The following CCDC63 variants were observed in gnomAD, a reference collection of about 807,000 sequenced individuals.
CCDC63 encodes the protein coiled-coil domain containing 63, also known as coiled-coil domain-containing protein 63.
Under a neutral mutation model 63.6 loss-of-function variants are expected in CCDC63, and 54 were observed. The ratio of observed to expected loss-of-function variants is 0.85; its 90% CI spans 0.68 to 1.07. CCDC63 has a LOEUF of 1.07. Among genes scored for constraint, CCDC63 ranks in the 50% least tolerant of loss-of-function variants. The pLI, the probability that CCDC63 is intolerant of heterozygous loss-of-function variation, is 0.00. For synonymous variants in CCDC63, 253 were observed against 266.1 expected (o/e 0.95, Z 0.48); for missense variants, 637 against 689.6 (o/e 0.92, Z 0.86).
chr12:110,878,917 A>G (rs2071165672), intron 5 of CCDC63, among the ~76,000 whole-genome samples: 1 of 152,228 alleles, frequency 6.6e-6, no homozygotes, highest in African/African-American at 2.4e-5. Flanking sequence ...AAGACAATTT[A>G]TAAGACATAC....
intron 3 of CCDC63, among the ~76,000 whole-genome samples, chr12:110,857,110 A>G (rs2070782562): frequency 6.7e-6 from 1 of 149,590 alleles, no homozygotes. Flanking sequence ...AGGCCTGTAG[A>G]ACATTCTTTT....
chr12:110,849,776 G>A (rs150667031), intron 1 of CCDC63, among the ~76,000 whole-genome samples: 3,045 of 152,244 alleles, frequency 0.02, 99 homozygotes, highest in African/African-American at 0.07. Flanking sequence ...TGGGATTACA[G>A]GCATGAGCCA....
chr12:110,867,006 C>T (rs2070962571), intron 4 of CCDC63, among the ~76,000 whole-genome samples: 1 of 135,712 alleles, frequency 7.4e-6, no homozygotes, highest in Non-Finnish European at 1.6e-5. Flanking sequence ...GCTGACCCCC[C>T]CACCTCCCTC....
chr12:110,844,577 C>T (rs946605995), upstream of CCDC63, among the ~76,000 whole-genome samples: 18 of 152,198 alleles, frequency 1.2e-4, no homozygotes, highest in African/African-American at 3.4e-4. Flanking sequence ...GTCAGTTGCA[C>T]GCCTATTCCT....
intron 9 of CCDC63, among the ~76,000 whole-genome samples, chr12:110,894,751 C>T (rs1292004091): frequency 6.6e-6 from 1 of 152,132 alleles, no homozygotes; most frequent in Non-Finnish European, 1.5e-5. Flanking sequence ...AGACTGGCGC[C>T]CCTCTACATC....
intron 8 of CCDC63, among the ~76,000 whole-genome samples, chr12:110,892,276 C>A (rs776994368): frequency 6.6e-6 from 1 of 152,080 alleles, no homozygotes; most frequent in Admixed American, 6.6e-5. Flanking sequence ...AAAATTAGTT[C>A]ATCAGAGGTT....
At chr12:110,897,554 C>T (rs1566139163) in intron 9 of CCDC63, among the ~76,000 whole-genome samples, 1 of 152,082 alleles carries the variant, frequency 6.6e-6, no homozygotes, top group East Asian at 1.9e-4. Context: ...GCTATGATCA[C>T]ATGACTGCAC....
intron 3 of CCDC63, among the ~76,000 whole-genome samples, chr12:110,857,302 T>G (rs1181227322): frequency 6.6e-6 from 1 of 151,474 alleles, no homozygotes; most frequent in East Asian, 2.0e-4. Flanking sequence ...ATTTTTTGTA[T>G]TTTTACTAGA....
chr12:110,846,402 G>C (rs894502349), upstream of CCDC63, among the ~76,000 whole-genome samples: 3 of 152,150 alleles, frequency 2.0e-5, no homozygotes, highest in African/African-American at 7.2e-5. Context: ...AAGCTCACTT[G>C]CCTGGATCAC....
intron 7 of CCDC63, 124 bp downstream of exon 7, chr12:110,881,420 TA>T: frequency 1.0e-6 from 1 of 991,464 alleles, no homozygotes; most frequent in Non-Finnish European, 1.5e-6. Flanking sequence ...CAAATAAAGA[TA>T]TAAGATGCCT....
intron 8 of CCDC63, among the ~76,000 whole-genome samples, chr12:110,892,847 G>A (rs1469429454): frequency 1.3e-5 from 2 of 151,492 alleles, no homozygotes; most frequent in Non-Finnish European, 2.9e-5. Flanking sequence ...AAGAAAGGAT[G>A]ACTCACCCCT....
chr12:110,853,965 A>T (rs924694953), intron 3 of CCDC63, among the ~76,000 whole-genome samples: 15 of 152,168 alleles, frequency 9.9e-5, no homozygotes, highest in African/African-American at 3.6e-4. Flanking sequence ...TACCAGCTGC[A>T]CAGAGAGAGG....
chr12:110,860,694 A>G (rs147753205), intron 4 of CCDC63, among the ~76,000 whole-genome samples: 1,734 of 151,970 alleles, frequency 0.011, 15 homozygotes, highest in Non-Finnish European at 0.014. Context: ...GGCTCAACCA[A>G]TTCTCCTGCT....
intron 9 of CCDC63, among the ~76,000 whole-genome samples, chr12:110,895,403 C>A (rs1409553482): frequency 6.6e-6 from 1 of 152,244 alleles, no homozygotes; most frequent in African/African-American, 2.4e-5. Flanking sequence ...GCGTGAGTCA[C>A]TGTGCCTGGC....
chr12:110,907,282 C>T lies in CCDC63; in HGVS notation c.1547-49C>T, dbSNP rs1175084543. ...GACGCCAAACCAGGCTTAGCCCCAG[C>T]CCTGGGGTTGATTTCCCAGCACCTC... On this transcript the variant is annotated intron_variant, in intron 11 of 11. Transcript: ENST00000308208. The surrounding 1 kb of genome is among the most constrained non-coding windows in gnomAD (Gnocchi z 4.4). The T allele has an allele frequency of 1.3e-6, 2 of 1,588,250 alleles. No individual in the cohort carries two copies. Among genetic ancestry groups the T allele is most frequent in the Non-Finnish European group, 8.6e-7 (1 of 1,167,014 alleles).
intron 10 of CCDC63, 138 bp from the exon 11 acceptor site, chr12:110,904,449 CT>C (rs767805493): frequency 5.8e-6 from 4 of 687,514 alleles, no homozygotes; most frequent in Non-Finnish European, 1.0e-5. Flanking sequence ...AGGAGAAAGC[CT>C]TTTCCTTGTC....
intron 10 of CCDC63, 54 bp downstream of exon 10, chr12:110,899,179 G>A (rs2136741192): frequency 2.0e-6 from 3 of 1,510,334 alleles, no homozygotes; most frequent in African/African-American, 1.4e-5. Context: ...AGAACTTTCT[G>A]TGACTGAGCA....
intron 9 of CCDC63, among the ~76,000 whole-genome samples, chr12:110,894,334 T>A (rs554787248): frequency 3.3e-4 from 51 of 152,312 alleles, no homozygotes; most frequent in African/African-American, 1.2e-3. Flanking sequence ...TTTGGAAATG[T>A]AACTTTTAGT....
chr12:110,851,582 C>G (rs2070705958), intron 1 of CCDC63, among the ~76,000 whole-genome samples: 1 of 152,044 alleles, frequency 6.6e-6, no homozygotes, highest in South Asian at 2.1e-4. Context: ...GTCGGATGCC[C>G]CAATCTTGAA....
Sources: gnomAD v4.1 joint callset for allele counts (sites outside exome capture counted in the v4.1 genomes callset) on GRCh38, gnomAD v4.1.1 for gene constraint, Gnocchi (gnomAD v3.1) non-coding constraint, MANE v1.5 for transcripts, NCBI Gene and HGNC (gene_info 2026-07-23, HGNC 2026-07-21) for gene names.